VWF: variants seen among roughly 807,000 people sequenced by gnomAD.
VWF encodes the protein Factor VIII related antigen.
A neutral mutation model predicts 308.6 loss-of-function variants in VWF; 176 were observed. That is an observed-to-expected ratio of 0.57 (90% confidence interval 0.50 to 0.65). VWF has a LOEUF of 0.65. Ranked by LOEUF, VWF falls within the 30% of genes least tolerant of loss-of-function variation. The probability of loss-of-function intolerance (pLI) is 0.00; values close to 1 mark genes in which losing one functional copy is unlikely to be tolerated. For synonymous variants in VWF, 1,385 were observed against 1,443.4 expected (o/e 0.96, Z 0.92); for missense variants, 3,146 against 3,648.2 (o/e 0.86, Z 3.55).
In VWF at chr12:6,022,003, C is replaced by A; in HGVS notation, c.3571G>T (p.Val1191Phe). The A allele has an allele frequency of 6.2e-7, 1 of 1,614,196 alleles. No homozygotes were observed. The highest frequency in any genetic ancestry group is 2.2e-5 in the East Asian group (1 of 44,872). Residue 1191 changes from valine to phenylalanine, a missense_variant, in exon 27 of 52, where the codon GTT becomes TTT. Transcript: ENST00000261405. ...KILDELLQTCVDPEDCPVCEV... is the reference protein window; with the variant it reads ...KILDELLQTCFDPEDCPVCEV... ...CACACTGGACAGTCTTCAGGGTCAA[C>A]GCAGGTCTGCAAAAGCTCATCCAGG...
intron 17 of VWF, 49 bp from the exon 18 acceptor site, chr12:6,044,500 C>T: frequency 6.3e-7 from 1 of 1,592,946 alleles, no homozygotes; most frequent in Non-Finnish European, 8.6e-7. Context: ...AGAGAATGGA[C>T]CTACCTTCCA....
intron 36 of VWF, 84 bp from the exon 37 acceptor site, chr12:5,994,287 A>G: frequency 6.3e-7 from 1 of 1,593,772 alleles, no homozygotes; most frequent in South Asian, 1.1e-5. Context: ...GCCATTCTTG[A>G]TCCTCACCAG....
At chr12:6,066,139 C>T (rs1305826923) in intron 10 of VWF, among the ~76,000 whole-genome samples, 2 of 152,206 alleles carry the variant, frequency 1.3e-5, no homozygotes, top group African/African-American at 2.4e-5. Context: ...CACCATCTCC[C>T]CCACGCCCCA....
chr12:5,965,770 G>A (rs138198971), intron 47 of VWF, among the ~76,000 whole-genome samples: 12 of 152,296 alleles, frequency 7.9e-5, no homozygotes, highest in Non-Finnish European at 1.6e-4. Flanking sequence ...GGCAGAAGAC[G>A]TAGTAAGACT....
At chr12:6,118,443 A>G (rs1945393329) in intron 3 of VWF, among the ~76,000 whole-genome samples, 1 of 136,854 alleles carries the variant, frequency 7.3e-6, no homozygotes, top group African/African-American at 2.8e-5. Flanking sequence ...GCTGGAGTGC[A>G]ATGGCGCAAT....
chr12:6,045,065 T>A (rs1034985969), intron 17 of VWF, among the ~76,000 whole-genome samples: 1 of 152,228 alleles, frequency 6.6e-6, no homozygotes, highest in Non-Finnish European at 1.5e-5. Flanking sequence ...ACTTACTTGT[T>A]TACTGTCCTC....
At chr12:6,086,672 A>G (rs1944976319) in intron 6 of VWF, among the ~76,000 whole-genome samples, 1 of 152,226 alleles carries the variant, frequency 6.6e-6, no homozygotes, top group East Asian at 1.9e-4. Flanking sequence ...GTGAGACCCA[A>G]GTCCGCTGGG....
At chr12:6,066,650 G>A (rs1944718628) in intron 10 of VWF, among the ~76,000 whole-genome samples, 1 of 152,234 alleles carries the variant, frequency 6.6e-6, no homozygotes, top group South Asian at 2.1e-4. Flanking sequence ...ACGTTGGAAA[G>A]ACAAATGTAA....
At chr12:6,099,610 T>C (rs975862219) in intron 5 of VWF, among the ~76,000 whole-genome samples, 1 of 152,146 alleles carries the variant, frequency 6.6e-6, no homozygotes, top group Admixed American at 6.5e-5. Flanking sequence ...TATCTGATCT[T>C]TGACAAACCT....
chr12:5,951,966 T>C, intron 49 of VWF, 83 bp from the exon 50 acceptor site: 1 of 1,386,354 alleles, frequency 7.2e-7, no homozygotes, highest in Admixed American at 1.7e-5. Flanking sequence ...AATTTTTAGC[T>C]CCGAACTCAC....
chr12:6,011,803 G>T lies in VWF; in HGVS notation c.5665-9C>A, dbSNP rs201789774. On this transcript the variant is annotated splice_polypyrimidine_tract_variant and intron_variant, in intron 33 of 51. Transcript: ENST00000261405. ...GTCCAGACGTCCCCGGGCTGCAGAA[G>T]AAAACAGCAGATTCAGGCAGGGAAT... 617 of 1,598,298 alleles carry T rather than the reference G, an allele frequency of 3.9e-4. No homozygotes were observed. In the Middle Eastern group the frequency reaches 8.0e-3, roughly 21 times the overall value.
At chr12:5,967,954 G>A (rs1943422717) in intron 46 of VWF, among the ~76,000 whole-genome samples, 173 bp downstream of exon 46, 1 of 152,180 alleles carries the variant, frequency 6.6e-6, no homozygotes, top group Non-Finnish European at 1.5e-5. Flanking sequence ...CAGGAAGATG[G>A]TCCTAGCCTG....
intron 3 of VWF, among the ~76,000 whole-genome samples, chr12:6,118,982 C>T (rs1032862363): frequency 6.6e-6 from 1 of 152,246 alleles, no homozygotes; most frequent in South Asian, 2.1e-4. Flanking sequence ...TGCCCTGGGG[C>T]GCCTCTGGCC....
At chr12:6,013,730 T>C (rs760808036) in intron 31 of VWF, 85 bp from the exon 32 acceptor site, 6 of 1,497,050 alleles carry the variant, frequency 4.0e-6, no homozygotes, top group Non-Finnish European at 5.5e-6. Context: ...AGCATCTGAA[T>C]ACAGCCTCAT....
chr12:5,974,531 G>A (rs981155241), intron 43 of VWF, among the ~76,000 whole-genome samples: 6 of 152,154 alleles, frequency 3.9e-5, no homozygotes, highest in Non-Finnish European at 8.8e-5. Context: ...ACTGGACAGC[G>A]GACCCGATCC....
intron 8 of VWF, among the ~76,000 whole-genome samples, chr12:6,073,383 C>T (rs1176144399): frequency 6.6e-6 from 1 of 152,234 alleles, no homozygotes; most frequent in African/African-American, 2.4e-5. Context: ...GCCCAGGCCA[C>T]CCTCCAATTT....
intron 45 of VWF, among the ~76,000 whole-genome samples, chr12:5,968,547 G>A (rs1943432409): frequency 6.6e-6 from 1 of 152,210 alleles, no homozygotes; most frequent in Admixed American, 6.5e-5. Flanking sequence ...TGTAATCCCA[G>A]CACTCTGGGA....
At chr12:6,082,124 G>A (rs1944918936) in intron 6 of VWF, among the ~76,000 whole-genome samples, 1 of 151,956 alleles carries the variant, frequency 6.6e-6, no homozygotes. Flanking sequence ...ACACCACCAC[G>A]CCCGGCTAAT....
intron 6 of VWF, among the ~76,000 whole-genome samples, chr12:6,078,208 C>A (rs1329943466): frequency 6.6e-6 from 1 of 152,258 alleles, no homozygotes; most frequent in East Asian, 1.9e-4. Context: ...GAATGGTTGC[C>A]GAGCATTATC....
Sources: gnomAD v4.1 joint callset for allele counts (sites outside exome capture counted in the v4.1 genomes callset) on GRCh38, gnomAD v4.1.1 for gene constraint, MANE v1.5 for transcripts, NCBI Gene and HGNC (gene_info 2026-07-23, HGNC 2026-07-21) for gene names.